DPYSL3: variants seen among roughly 807,000 people sequenced by gnomAD.
The protein encoded by DPYSL3 is dihydropyrimidinase like 3, also known as dihydropyrimidinase-related protein 3.
A neutral mutation model predicts 66.1 loss-of-function variants in DPYSL3; 16 were observed. The observed-to-expected ratio is 0.24, with a 90% CI of 0.16 to 0.37. The LOEUF is 0.37. DPYSL3 is among the 10% of genes least tolerant of loss of function. The pLI is 1.00. For missense variants in DPYSL3, 738 were observed against 916.2 expected (o/e 0.81, Z 2.51); for synonymous variants, 338 against 345.1 (o/e 0.98, Z 0.23).
rs74828553 is a variant in DPYSL3, at chr5:147,397,884, A to ACAGAAAGAG, written c.1624-40_1624-39insCTCTTTCTG. The ACAGAAAGAG allele has an allele frequency of 3.1e-4, 486 of 1,553,038 alleles. 2 individuals carry two copies. The South Asian group carries it at 4.1e-3, about 13-fold the overall frequency. ...TGAGAAGCAAAGCCACAGTAAGGGT[A>ACAGAAAGAG]GAGAAAGAGGAACGTACCTTCTCTC... On this transcript the variant is annotated intron_variant, in intron 11 of 13. Coordinates refer to ENST00000343218, the MANE Select transcript of DPYSL3 (RefSeq NM_001197294.2).
intron 2 of DPYSL3, among the ~76,000 whole-genome samples, chr5:147,423,921 T>C (rs1752138728): frequency 1.3e-5 from 2 of 152,168 alleles, no homozygotes; most frequent in South Asian, 4.1e-4. Flanking sequence ...TTTCACCATG[T>C]TGCCCAGGCT....
At chr5:147,446,567 C>G (rs1752632996) in intron 1 of DPYSL3, among the ~76,000 whole-genome samples, 1 of 152,142 alleles carries the variant, frequency 6.6e-6, no homozygotes, top group Non-Finnish European at 1.5e-5. Flanking sequence ...CTGGGTGTGT[C>G]CTGTTAATGT....
intron 1 of DPYSL3, among the ~76,000 whole-genome samples, chr5:147,483,884 C>A (rs554967840): frequency 6.6e-6 from 1 of 152,126 alleles, no homozygotes; most frequent in Non-Finnish European, 1.5e-5. Flanking sequence ...ATATCTCCCC[C>A]CCAAGGGATA....
chr5:147,472,909 A>C (rs534263709), intron 1 of DPYSL3: 1 of 152,290 alleles, frequency 6.6e-6, no homozygotes, highest in Non-Finnish European at 1.5e-5. Context: ...AATGAAATGC[A>C]TCTGAAGCTC....
chr5:147,394,179 G>T, intron 13 of DPYSL3, 56 bp from the exon 14 acceptor site: 4 of 1,569,888 alleles, frequency 2.5e-6, no homozygotes, highest in Non-Finnish European at 3.5e-6. Flanking sequence ...GCGGGTAGGG[G>T]GATGTGGGCA....
At chr5:147,458,351 C>G (rs986578117) in intron 1 of DPYSL3, among the ~76,000 whole-genome samples, 5 of 152,174 alleles carry the variant, frequency 3.3e-5, no homozygotes, top group Non-Finnish European at 7.3e-5. Context: ...TGACAGTTTA[C>G]AAATACCATG....
chr5:147,403,591 T>C (rs569700784), intron 8 of DPYSL3, among the ~76,000 whole-genome samples: 35 of 152,326 alleles, frequency 2.3e-4, no homozygotes, highest in Non-Finnish European at 4.3e-4. Flanking sequence ...GCAGGGCACA[T>C]AGCTGTTCCT....
chr5:147,411,400 G>A (rs1210691447), intron 6 of DPYSL3, among the ~76,000 whole-genome samples: 1 of 152,140 alleles, frequency 6.6e-6, no homozygotes, highest in Non-Finnish European at 1.5e-5. Flanking sequence ...GCTGGGCTTG[G>A]GAGGCAAGGG....
At chr5:147,421,637 G>T (rs1179826381) in intron 2 of DPYSL3, among the ~76,000 whole-genome samples, 1 of 152,156 alleles carries the variant, frequency 6.6e-6, no homozygotes, top group Non-Finnish European at 1.5e-5. Flanking sequence ...AACCAAAACA[G>T]CATGGTACTG....
intron 1 of DPYSL3, among the ~76,000 whole-genome samples, chr5:147,475,621 G>A (rs1040461224): frequency 6.6e-6 from 1 of 152,056 alleles, no homozygotes; most frequent in Non-Finnish European, 1.5e-5. Context: ...AAGAACAGAT[G>A]AAAGCAGAGC....
chr5:147,460,278 G>T (rs1162836628), intron 1 of DPYSL3, among the ~76,000 whole-genome samples: 2 of 152,192 alleles, frequency 1.3e-5, no homozygotes, highest in African/African-American at 4.8e-5. Context: ...ATAGTCTGAT[G>T]AACTTATCTG....
chr5:147,442,360 A>C (rs770787332), intron 1 of DPYSL3, among the ~76,000 whole-genome samples: 1 of 152,232 alleles, frequency 6.6e-6, no homozygotes, highest in Non-Finnish European at 1.5e-5. Flanking sequence ...GGTGGCGGTG[A>C]GAAAACAAAT....
chr5:147,436,489 A>G (rs1164659916), intron 1 of DPYSL3, among the ~76,000 whole-genome samples: 3 of 152,248 alleles, frequency 2.0e-5, no homozygotes, highest in Admixed American at 1.3e-4. Context: ...AAGGATGCAC[A>G]TCATATTATT....
At chr5:147,404,024 C>T (rs1190078356) in intron 8 of DPYSL3, among the ~76,000 whole-genome samples, 2 of 152,192 alleles carry the variant, frequency 1.3e-5, no homozygotes, top group Admixed American at 1.3e-4. Flanking sequence ...GCAGCCTCAG[C>T]AGAGGGCATG....
intron 13 of DPYSL3, among the ~76,000 whole-genome samples, chr5:147,394,936 C>T (rs914367933): frequency 5.3e-5 from 8 of 152,154 alleles, no homozygotes; most frequent in Middle Eastern, 3.4e-3. Flanking sequence ...TATAGGAATG[C>T]GAATCTACAT....
At chr5:147,497,857 A>G (rs923123204) in intron 1 of DPYSL3, among the ~76,000 whole-genome samples, 2 of 152,060 alleles carry the variant, frequency 1.3e-5, no homozygotes, top group African/African-American at 4.8e-5. Context: ...GCAAAGACAC[A>G]CTTTTTCACC....
At position 147,401,613 on chromosome 5, in the gene DPYSL3, C is replaced by A. The variant is rs754584484; in HGVS notation, c.1237G>T (p.Ala413Ser). 2 of 1,614,022 alleles carry A rather than the reference C, an allele frequency of 1.2e-6. No individual in the cohort carries two copies. Among genetic ancestry groups the A allele is most frequent in the Non-Finnish European group, 8.5e-7 (1 of 1,179,998 alleles). ...HYWSKNWAKA[A>S]AFVTSPPLSP... is the part of the protein sequence containing the mutation. ...AGGGGTGGGGATGTCACAAATGCAG[C>A]CGCCTTGGCCCAGTTCTTGCTCCAA... is the stretch of plus-strand genomic sequence containing the variant. Residue 413 changes from alanine (A) to serine (S), a missense_variant, in exon 9 of 14, where the codon GCT becomes TCT. Coordinates refer to ENST00000343218, the MANE Select transcript of DPYSL3 (RefSeq NM_001197294.2).
Position 147,509,913 on chromosome 5 carries a change from A to C in DPYSL3, c.-55T>G. Reference sequence around the variant, plus strand: ...TTTCTTCCCCAGAGGCGGAAAGGGCAGCCGCCGGCAGCGTGCGCCGAGCCA... The same window carrying C: ...TTTCTTCCCCAGAGGCGGAAAGGGCCGCCGCCGGCAGCGTGCGCCGAGCCA... On this transcript the variant is annotated 5_prime_UTR_variant, in exon 1 of 14. Coordinates refer to ENST00000343218, the MANE Select transcript of DPYSL3 (RefSeq NM_001197294.2). This position sits in a 1 kb window ranked among gnomAD's most constrained non-coding sequence, Gnocchi z 5.3. 6.9e-7 allele frequency: 1 copy of C among 1,454,282 alleles called. No individual in the cohort carries two copies. The allele number at this position is 1,454,282 out of a possible 1,614,324, so 90.1% of individuals were successfully genotyped here. A position where few individuals can be genotyped will look rare whatever the true frequency, so the allele number is the denominator to read the frequency against.
At chr5:147,398,158 T>C (rs1758052906) in intron 11 of DPYSL3, among the ~76,000 whole-genome samples, 1 of 152,210 alleles carries the variant, frequency 6.6e-6, no homozygotes, top group African/African-American at 2.4e-5. Context: ...CTGTCTTGTA[T>C]TGAGCAGGTG....
Sources: allele counts gnomAD v4.1 joint callset (sites outside exome capture counted in the v4.1 genomes callset), GRCh38; gene constraint gnomAD v4.1.1; non-coding constraint Gnocchi (gnomAD v3.1); transcripts MANE v1.5; gene names NCBI Gene and HGNC (gene_info 2026-07-23, HGNC 2026-07-21).